Variants in ALMS1 observed in about 807,000 individuals in gnomAD.
The protein encoded by ALMS1 is ALMS1 centrosome and basal body associated protein.
Under a neutral mutation model 352.2 loss-of-function variants are expected in ALMS1, and 271 were observed. That is an observed-to-expected ratio of 0.77 (90% CI 0.70 to 0.85). The LOEUF (loss-of-function observed/expected upper bound fraction) is 0.85. ALMS1 is among the 40% of genes least tolerant of loss of function. The pLI is 0.00. For missense variants in ALMS1, 5,445 were observed against 4,870.7 expected (o/e 1.12, Z -3.51); for synonymous variants, 1,865 against 1,761.2 (o/e 1.06, Z -1.48).
chr2:73,437,932 C>G (rs1478143391), intron 7 of ALMS1, among the ~76,000 whole-genome samples: 4 of 152,120 alleles, frequency 2.6e-5, no homozygotes, highest in Non-Finnish European at 5.9e-5. Context: ...ACAAGCCAAT[C>G]ACACCCTCCT....
intron 1 of ALMS1, among the ~76,000 whole-genome samples, chr2:73,393,930 C>T (rs11891452): frequency 0.016 from 2,441 of 151,918 alleles, 64 homozygotes; most frequent in African/African-American, 0.056. Flanking sequence ...AAGTGGACCT[C>T]CTATCTCAGC....
intron 10 of ALMS1, among the ~76,000 whole-genome samples, chr2:73,492,032 C>T (rs1227000273): frequency 6.6e-6 from 1 of 152,168 alleles, no homozygotes; most frequent in Non-Finnish European, 1.5e-5. Flanking sequence ...AGTAAAACAT[C>T]TGTCAACATA....
intron 16 of ALMS1, among the ~76,000 whole-genome samples, chr2:73,591,788 T>C (rs1260270079): frequency 6.6e-6 from 1 of 152,174 alleles, no homozygotes; most frequent in Admixed American, 6.5e-5. Context: ...AATAAATGTA[T>C]AGGGCTACTT....
Position 73,572,947 on chromosome 2 carries a change from C to A in ALMS1, c.11070C>A (p.Gly3690=), listed in dbSNP as rs371329585. 4.3e-6 allele frequency: 7 copies of A among 1,613,826 alleles called. No homozygotes were observed. Among genetic ancestry groups the A allele is most frequent in the African/African-American group, 1.3e-5 (1 of 74,858 alleles). ...TAGAGAAAAGCCATAAAAATACAGGCGAGCTTAAAAAAAGCAAGGTGCTTT... is the reference window on the plus strand; with the variant it reads ...TAGAGAAAAGCCATAAAAATACAGGAGAGCTTAAAAAAAGCAAGGTGCTTT... ...KSLEKSHKNT[G]ELKKSKVLSH... is the part of the protein sequence containing the mutation. Residue 3690 remains glycine (G), a synonymous_variant, in exon 16 of 23, where the codon GGC becomes GGA. Coordinates refer to ENST00000613296, the MANE Select transcript of ALMS1 (RefSeq NM_001378454.1).
chr2:73,602,986 A>T (rs1244560861), intron 20 of ALMS1, among the ~76,000 whole-genome samples: 1 of 152,232 alleles, frequency 6.6e-6, no homozygotes, highest in African/African-American at 2.4e-5. Flanking sequence ...TAATTCTTTT[A>T]TCCAACTTTA....
At chr2:73,428,549 A>G (rs936027147) in intron 6 of ALMS1, among the ~76,000 whole-genome samples, 8 of 152,334 alleles carry the variant, frequency 5.3e-5, no homozygotes, top group South Asian at 4.1e-4. Flanking sequence ...ACTTACATCA[A>G]CCTTTCATGT....
chr2:73,476,680 GCTT>G (rs1470349905), intron 9 of ALMS1, among the ~76,000 whole-genome samples: 1 of 151,772 alleles, frequency 6.6e-6, no homozygotes, highest in South Asian at 2.1e-4. Flanking sequence ...GTAATATTGA[GCTT>G]CTTTTCATTT....
chr2:73,421,922 G>A (rs544444480), intron 3 of ALMS1, among the ~76,000 whole-genome samples: 5 of 152,184 alleles, frequency 3.3e-5, no homozygotes, highest in African/African-American at 1.2e-4. Flanking sequence ...AAATAAGAAT[G>A]ATTTAAGTCA....
chr2:73,558,869 A>T, intron 14 of ALMS1, 103 bp from the exon 15 acceptor site: 1 of 1,264,094 alleles, frequency 7.9e-7, no homozygotes, highest in East Asian at 2.5e-5. Flanking sequence ...TTTTTCTTCA[A>T]TATCAGTAAC....
At position 73,512,300 on chromosome 2, in the gene ALMS1, G is replaced by C. The variant is rs556696101; in HGVS notation, c.9540-7475G>C. Reference sequence around the variant, plus strand: ...GGGTTTCACCATATTGGTGAGGCTGGTCTTGAACTCCTGACCTTGTGATCT... The same window carrying C: ...GGGTTTCACCATATTGGTGAGGCTGCTCTTGAACTCCTGACCTTGTGATCT... On this transcript the variant is annotated intron_variant, in intron 10 of 22. Coordinates refer to ENST00000613296, the MANE Select transcript of ALMS1 (RefSeq NM_001378454.1). Among the ~76,000 whole-genome samples, 4 of 151,996 alleles carry C rather than the reference G, an allele frequency of 2.6e-5. No homozygotes were observed. The South Asian group carries it at 8.3e-4, about 32-fold the overall frequency.
At chr2:73,515,416 T>C (rs1443320833) in intron 10 of ALMS1, among the ~76,000 whole-genome samples, 2 of 152,112 alleles carry the variant, frequency 1.3e-5, no homozygotes, top group Non-Finnish European at 2.9e-5. Flanking sequence ...TTTTTTCCTC[T>C]CAATTTTTGA....
In ALMS1 at chr2:73,606,206, T is replaced by C. The variant is rs185409906; in HGVS notation, c.12363-2269T>C. On this transcript the variant is annotated intron_variant, in intron 21 of 22. Transcript: ENST00000613296. ...TTAGCCTGTCACAGGCTTATTGTTA[T>C]TTCAAGTGAATAAAAAAATAAAGTT... is the stretch of plus-strand genomic sequence containing the variant. Among the ~76,000 whole-genome samples, 6 of 152,378 alleles carry C rather than the reference T, an allele frequency of 3.9e-5. No individual in the cohort carries two copies. In the East Asian group the frequency reaches 1.2e-3, roughly 29 times the overall value.
At chr2:73,410,243 G>C (rs913330335) in intron 2 of ALMS1, among the ~76,000 whole-genome samples, 2 of 152,092 alleles carry the variant, frequency 1.3e-5, no homozygotes, top group Admixed American at 6.6e-5. Context: ...ACAAAAATTA[G>C]CCAGGCGTGG....
At chr2:73,403,478 T>G (rs1358767508) in intron 1 of ALMS1, among the ~76,000 whole-genome samples, 1 of 152,214 alleles carries the variant, frequency 6.6e-6, no homozygotes, top group Non-Finnish European at 1.5e-5. Flanking sequence ...TCCTCCAACT[T>G]TGTTTTTGTC....
chr2:73,493,766 T>C (rs1282127479), intron 10 of ALMS1, among the ~76,000 whole-genome samples: 5 of 152,170 alleles, frequency 3.3e-5, no homozygotes, highest in African/African-American at 9.7e-5. Context: ...ATTTATAAAG[T>C]ATATGTGTAT....
chr2:73,467,106 A>G (rs1382186300), intron 9 of ALMS1, among the ~76,000 whole-genome samples: 1 of 33,076 alleles, frequency 3.0e-5, no homozygotes, highest in East Asian at 5.1e-4. Context: ...TTAAACAAGA[A>G]CAAAAATACA....
intron 9 of ALMS1, among the ~76,000 whole-genome samples, chr2:73,464,294 T>A (rs1165644565): frequency 2.0e-5 from 3 of 152,048 alleles, no homozygotes; most frequent in African/African-American, 7.3e-5. Context: ...GTTCAACATA[T>A]GCAAATCAAT....
intron 9 of ALMS1, among the ~76,000 whole-genome samples, chr2:73,472,626 G>T (rs2103845435): frequency 6.6e-6 from 1 of 152,096 alleles, no homozygotes; most frequent in Non-Finnish European, 1.5e-5. Flanking sequence ...AGGAAAAGTA[G>T]GGAGCTGTAG....
intron 11 of ALMS1, among the ~76,000 whole-genome samples, chr2:73,528,330 T>G: frequency 6.6e-6 from 1 of 152,206 alleles, no homozygotes; most frequent in East Asian, 1.9e-4. Flanking sequence ...GTGTTGAAGT[T>G]TACAGCTGTT....
Sources: allele counts gnomAD v4.1 joint callset (sites outside exome capture counted in the v4.1 genomes callset), GRCh38; gene constraint gnomAD v4.1.1; transcripts MANE v1.5; gene names NCBI Gene and HGNC (gene_info 2026-07-23, HGNC 2026-07-21).